GPR39: variants seen among roughly 807,000 people sequenced by gnomAD.
GPR39 encodes the protein G protein-coupled receptor 39.
A neutral mutation model predicts 18.4 loss-of-function variants in GPR39; 23 were observed. The observed-to-expected ratio is 1.25, with a 90% CI of 0.90 to 1.77. GPR39 has a LOEUF of 1.77. Ranked by LOEUF, GPR39 falls within the 40% of genes most tolerant of loss-of-function variation. The pLI is 0.00. For synonymous variants in GPR39, 280 were observed against 257.9 expected (o/e 1.09, Z -0.82); for missense variants, 647 against 602.4 (o/e 1.07, Z -0.78).
At chr2:132,568,695 G>A (rs1680392988) in intron 1 of GPR39, among the ~76,000 whole-genome samples, 1 of 152,036 alleles carries the variant, frequency 6.6e-6, no homozygotes, top group South Asian at 2.1e-4. Context: ...GACAGAGCAA[G>A]ACTCTGTCTC....
At chr2:132,551,794 G>A (rs1203205547) in intron 1 of GPR39, among the ~76,000 whole-genome samples, 2 of 140,840 alleles carry the variant, frequency 1.4e-5, no homozygotes, top group African/African-American at 2.7e-5. Flanking sequence ...ATATTGACAA[G>A]TGGTTAAATC....
intron 1 of GPR39, among the ~76,000 whole-genome samples, chr2:132,421,166 A>AGC (rs958746460): frequency 6.6e-6 from 1 of 152,186 alleles, no homozygotes; most frequent in African/African-American, 2.4e-5. Context: ...CTTCCTTTCA[A>AGC]GCAAGTCTTT....
chr2:132,489,264 C>T (rs1047398962), intron 1 of GPR39, among the ~76,000 whole-genome samples: 3 of 152,108 alleles, frequency 2.0e-5, no homozygotes, highest in Non-Finnish European at 4.4e-5. Context: ...CAAAACCTTC[C>T]TTGCAATGAC....
intron 1 of GPR39, among the ~76,000 whole-genome samples, chr2:132,486,052 AG>A (rs1681331265): frequency 6.6e-6 from 1 of 152,244 alleles, no homozygotes; most frequent in Non-Finnish European, 1.5e-5. Context: ...TTGTGTTAAT[AG>A]GTATGAACAT....
chr2:132,630,072 A>C (rs1681620531), intron 1 of GPR39, among the ~76,000 whole-genome samples: 1 of 152,214 alleles, frequency 6.6e-6, no homozygotes, highest in Non-Finnish European at 1.5e-5. Flanking sequence ...TTCATCTACC[A>C]TGAACCAGAC....
chr2:132,491,782 G>T (rs1469038394), intron 1 of GPR39, among the ~76,000 whole-genome samples: 1 of 151,860 alleles, frequency 6.6e-6, no homozygotes, highest in Non-Finnish European at 1.5e-5. Context: ...TCCAGTCCTA[G>T]CTTCACATGT....
At chr2:132,603,144 TA>T (rs1459880248) in intron 1 of GPR39, among the ~76,000 whole-genome samples, 2 of 152,102 alleles carry the variant, frequency 1.3e-5, no homozygotes, top group Admixed American at 1.3e-4. Flanking sequence ...AAAATTTTTA[TA>T]AAAAGATGAA....
At chr2:132,615,910 C>T (rs185429100) in intron 1 of GPR39, among the ~76,000 whole-genome samples, 6 of 150,172 alleles carry the variant, frequency 4.0e-5, no homozygotes, top group African/African-American at 1.5e-4. Context: ...CACTGCACAC[C>T]TGGCTTGTCT....
chr2:132,516,268 C>A (rs1039137747), intron 1 of GPR39, among the ~76,000 whole-genome samples: 23 of 152,130 alleles, frequency 1.5e-4, no homozygotes, highest in African/African-American at 4.3e-4. Flanking sequence ...TGTTCTCTGG[C>A]TAATTCAGAG....
At position 132,492,236 on chromosome 2, in the gene GPR39, A is replaced by G. The variant is rs184061211; in HGVS notation, c.856+74338A>G. On this transcript the variant is annotated intron_variant, in intron 1 of 1. Coordinates refer to ENST00000329321, the MANE Select transcript of GPR39 (RefSeq NM_001508.3). ...TATATACATACCATATATATACCAT[A>G]TATATACATACCATATATACACCAT... Among the ~76,000 whole-genome samples, 495 of 142,894 alleles carry G rather than the reference A, an allele frequency of 3.5e-3. 24 individuals are homozygous for G. The highest frequency in any genetic ancestry group is 0.012 in the African/African-American group (470 of 37,636). The allele number at this position is 142,894 out of a possible 152,430, so 93.7% of individuals were successfully genotyped here. A position where few individuals can be genotyped will look rare whatever the true frequency, so the allele number is the denominator to read the frequency against.
intron 1 of GPR39, among the ~76,000 whole-genome samples, chr2:132,614,461 G>A (rs1180793059): frequency 6.6e-6 from 1 of 152,014 alleles, no homozygotes; most frequent in Non-Finnish European, 1.5e-5. Flanking sequence ...ACCTCGTCTT[G>A]ATCTCTTGAC....
chr2:132,604,684 C>A (rs940109609), intron 1 of GPR39: 3 of 152,188 alleles, frequency 2.0e-5, no homozygotes, highest in East Asian at 1.9e-4. Context: ...AAAAGGAGGC[C>A]AAGTCATTCT....
chr2:132,573,368 T>A (rs1458857319), intron 1 of GPR39, among the ~76,000 whole-genome samples: 1 of 152,124 alleles, frequency 6.6e-6, no homozygotes, highest in Non-Finnish European at 1.5e-5. Context: ...ACACCTTGGA[T>A]TCCCAAATAA....
intron 1 of GPR39, among the ~76,000 whole-genome samples, chr2:132,625,867 C>T (rs1358854131): frequency 6.6e-6 from 1 of 152,076 alleles, no homozygotes; most frequent in African/African-American, 2.4e-5. Flanking sequence ...TTTGGGAGGC[C>T]AAGGCGGGTG....
At chr2:132,482,167 A>G (rs139700286) in intron 1 of GPR39, among the ~76,000 whole-genome samples, 19 of 152,302 alleles carry the variant, frequency 1.2e-4, no homozygotes, top group Non-Finnish European at 1.8e-4. Flanking sequence ...ACAAGCAATT[A>G]ACTGATTAGA....
intron 1 of GPR39, among the ~76,000 whole-genome samples, chr2:132,504,546 C>T (rs1679101141): frequency 1.3e-5 from 2 of 152,158 alleles, no homozygotes; most frequent in African/African-American, 4.8e-5. Flanking sequence ...TTCCTGTGGA[C>T]ACCCTTCAAT....
chr2:132,434,387 C>A (rs956823694), intron 1 of GPR39, among the ~76,000 whole-genome samples: 1 of 152,136 alleles, frequency 6.6e-6, no homozygotes, highest in African/African-American at 2.4e-5. Context: ...AACACTTTTT[C>A]TGGATTGGTT....
chr2:132,560,620 T>C (rs1465336260), intron 1 of GPR39, among the ~76,000 whole-genome samples: 1 of 152,214 alleles, frequency 6.6e-6, no homozygotes, highest in Non-Finnish European at 1.5e-5. Flanking sequence ...CAGAACACTT[T>C]ACAGTGTTGA....
chr2:132,445,030 C>T (rs1038611437), intron 1 of GPR39, among the ~76,000 whole-genome samples: 1 of 152,154 alleles, frequency 6.6e-6, no homozygotes, highest in Non-Finnish European at 1.5e-5. Context: ...CCCTACCGCC[C>T]ATCCATTCCC....
Sources: gnomAD v4.1 joint callset for allele counts (sites outside exome capture counted in the v4.1 genomes callset) on GRCh38, gnomAD v4.1.1 for gene constraint, MANE v1.5 for transcripts, NCBI Gene and HGNC (gene_info 2026-07-23, HGNC 2026-07-21) for gene names.